PREX1: variants seen among roughly 807,000 people sequenced by gnomAD.
PREX1 encodes phosphatidylinositol 3,4,5-trisphosphate-dependent Rac exchanger 1 protein.
PREX1 carries 41 observed loss-of-function variants against 198.3 expected under a neutral mutation model. The observed-to-expected ratio is 0.21, with a 90% CI of 0.16 to 0.27. The LOEUF (loss-of-function observed/expected upper bound fraction) is 0.27. Ranked by LOEUF, PREX1 falls within the 10% of genes least tolerant of loss-of-function variation. The probability of loss-of-function intolerance (pLI) is 1.00; values close to 1 mark genes in which losing one functional copy is unlikely to be tolerated. For synonymous variants in PREX1, 843 were observed against 887.2 expected, an observed-to-expected ratio of 0.95 and a Z score of 0.89; for missense variants, 1,620 against 2,200.7, an observed-to-expected ratio of 0.74 and a Z score of 5.28.
rs760962313 is a variant in PREX1, at chr20:48,625,903, C to T, written c.4962G>A (p.Pro1654=). The change falls in exon 40 of 40, where the codon CCG becomes CCA. Residue 1654 remains proline, a synonymous_variant. Transcript: ENST00000371941. ...TGGGTGTTCAGAGGTCCCCATCCAC[C>T]GGCGGCTGGCAGAGGCGGTAGAGGC... The part of the protein sequence containing the change: ...APRLYRLCQP[P]VDGDL 23 of 1,563,462 alleles carry T rather than the reference C, an allele frequency of 1.5e-5. No homozygotes were observed. Among genetic ancestry groups the T allele is most frequent in the South Asian group, 3.5e-5 (3 of 85,190 alleles).
chr20:48,874,372 CGTGTGTGTGTGTGTGT>C, the PREX1 span, among the ~76,000 whole-genome samples: 48 of 127,962 alleles, frequency 3.8e-4, no homozygotes, highest in Non-Finnish European at 5.0e-4. Context: ...GAGGGGTGTC[CGTGTGTGTGTGTGTGT>C]GTGTGTGTGT....
chr20:48,794,903 G>C (rs2090353961), intron 1 of PREX1, among the ~76,000 whole-genome samples: 1 of 152,170 alleles, frequency 6.6e-6, no homozygotes, highest in Admixed American at 6.5e-5. Context: ...TATCTCATAG[G>C]GGTTTTTGTG....
chr20:48,676,109 G>GA (rs1223029075), intron 14 of PREX1, 84 bp downstream of exon 14: 22 of 1,367,232 alleles, frequency 1.6e-5, no homozygotes, highest in Non-Finnish European at 2.1e-5. Context: ...AAAGCAATAA[G>GA]AAAAAATCTT....
chr20:48,855,126 G>C, the PREX1 span, among the ~76,000 whole-genome samples: 1 of 152,034 alleles, frequency 6.6e-6, no homozygotes, highest in African/African-American at 2.4e-5. Context: ...ATAAAAAATA[G>C]CTAGAAAACC....
At chr20:48,807,392 CT>C (rs2090416559) in intron 1 of PREX1, among the ~76,000 whole-genome samples, 1 of 152,164 alleles carries the variant, frequency 6.6e-6, no homozygotes, top group Non-Finnish European at 1.5e-5. Flanking sequence ...CATACAGCCC[CT>C]CATGTCCATA....
At chr20:48,626,792 A>C (rs1417536589) in intron 39 of PREX1, among the ~76,000 whole-genome samples, 14 of 152,198 alleles carry the variant, frequency 9.2e-5, no homozygotes, top group Admixed American at 9.2e-4. Flanking sequence ...ACTGTGGACT[A>C]TTTTTACAAC....
chr20:48,807,914 C>T (rs1288936316), intron 1 of PREX1, among the ~76,000 whole-genome samples: 2 of 152,120 alleles, frequency 1.3e-5, no homozygotes, highest in African/African-American at 2.4e-5. Context: ...AGCAGGCTGT[C>T]CACTCAGGGG....
At chr20:48,686,634 A>G (rs2089786486) in intron 10 of PREX1, among the ~76,000 whole-genome samples, 1 of 152,172 alleles carries the variant, frequency 6.6e-6, no homozygotes, top group African/African-American at 2.4e-5. Context: ...AGTTGGCTGA[A>G]AAGGCCAGCC....
At chr20:48,723,843 AC>A (rs2089997957) in intron 5 of PREX1, among the ~76,000 whole-genome samples, 1 of 152,108 alleles carries the variant, frequency 6.6e-6, no homozygotes. Flanking sequence ...CCTAGAGTCC[AC>A]CGTACACACA....
intron 3 of PREX1, among the ~76,000 whole-genome samples, chr20:48,742,707 T>C (rs2090087859): frequency 6.6e-6 from 1 of 152,154 alleles, no homozygotes; most frequent in African/African-American, 2.4e-5. Flanking sequence ...GGTTGCTTCA[T>C]GCACACTGAA....
At chr20:48,649,273 C>T (rs776477777) in intron 25 of PREX1, 27 bp downstream of exon 25, 13 of 1,601,174 alleles carry the variant, frequency 8.1e-6, no homozygotes, top group African/African-American at 1.3e-5. Flanking sequence ...CCCCTGCTCA[C>T]GCCGGACACC....
chr20:48,637,866 G>T, intron 30 of PREX1, 114 bp from the exon 31 acceptor site: 2 of 871,408 alleles, frequency 2.3e-6, no homozygotes, highest in Non-Finnish European at 1.8e-6. Flanking sequence ...ACCCTTCACA[G>T]CAAAGCCCTG....
the PREX1 span, among the ~76,000 whole-genome samples, chr20:48,886,147 G>T: frequency 1.1e-4 from 17 of 152,172 alleles, no homozygotes; most frequent in Admixed American, 5.2e-4. Flanking sequence ...CAGTAGTAGG[G>T]GAGGTTGTGA....
the PREX1 span, among the ~76,000 whole-genome samples, chr20:48,859,736 G>A: frequency 6.6e-6 from 1 of 152,214 alleles, no homozygotes; most frequent in African/African-American, 2.4e-5. Flanking sequence ...GCAAGGTCTT[G>A]ACCGGGCATG....
At chr20:48,781,066 T>C (rs1300485666) in intron 1 of PREX1, among the ~76,000 whole-genome samples, 9 of 152,132 alleles carry the variant, frequency 5.9e-5, no homozygotes, top group Non-Finnish European at 1.3e-4. Context: ...TTCAAAAAAG[T>C]GTCAAGGTCA....
chr20:48,630,671 C>T, intron 36 of PREX1, 57 bp downstream of exon 36: 1 of 1,471,412 alleles, frequency 6.8e-7, no homozygotes, highest in South Asian at 1.2e-5. Flanking sequence ...TGAGTCCTGA[C>T]TCCTGAGCGC....
the PREX1 span, among the ~76,000 whole-genome samples, chr20:48,850,970 A>G: frequency 0.32 from 49,160 of 152,000 alleles, 8,196 homozygotes; most frequent in African/African-American, 0.38. Context: ...AATGGCTGGG[A>G]TGGGGGGAAT....
At chr20:48,672,335 T>C (rs531120730) in intron 14 of PREX1, among the ~76,000 whole-genome samples, 22 of 152,256 alleles carry the variant, frequency 1.4e-4, no homozygotes, top group African/African-American at 5.3e-4. Flanking sequence ...CTTCAAAACA[T>C]CCAGAATCTG....
At chr20:48,885,666 T>C in the PREX1 span, among the ~76,000 whole-genome samples, 10 of 128,646 alleles carry the variant, frequency 7.8e-5, no homozygotes, top group South Asian at 2.1e-3. Flanking sequence ...TGTCCTCCAA[T>C]AGGCAAATGG....
Sources: gnomAD v4.1 joint callset for allele counts (sites outside exome capture counted in the v4.1 genomes callset) on GRCh38, gnomAD v4.1.1 for gene constraint, MANE v1.5 for transcripts, NCBI Gene and HGNC (gene_info 2026-07-23, HGNC 2026-07-21) for gene names.